The following TNRC6C variants were observed in gnomAD, a reference collection of about 807,000 sequenced individuals.
TNRC6C encodes trinucleotide repeat-containing gene 6C protein.
Under a neutral mutation model 153.7 loss-of-function variants are expected in TNRC6C, and 20 were observed. That is an observed-to-expected ratio of 0.13 (90% CI 0.09 to 0.19). The LOEUF (loss-of-function observed/expected upper bound fraction) is 0.19, where lower values mean the gene tolerates loss of function less well. TNRC6C is among the 10% of genes least tolerant of loss of function. TNRC6C has a pLI of 1.00. For synonymous variants in TNRC6C, 811 were observed against 841.4 expected (o/e 0.96, Z 0.63); for missense variants, 1,987 against 2,172.0 (o/e 0.91, Z 1.69).
At chr17:78,093,272 C>G (rs1457384910) in intron 15 of TNRC6C, 148 bp downstream of exon 17, 4 of 949,228 alleles carry the variant, frequency 4.2e-6, no homozygotes, top group Non-Finnish European at 6.1e-6. Flanking sequence ...CTTGGAAATC[C>G]ATTTGTCAGA....
exon 3 of TNRC6C, chr17:78,050,104 A>C (rs1483780825): frequency 6.2e-7 from 1 of 1,608,760 alleles, no homozygotes; most frequent in South Asian, 1.1e-5. Flanking sequence ...AAAGCCCCCA[A>C]ACCAGCATTC....
intron 5 of TNRC6C, 127 bp from the exon 8 acceptor site, chr17:78,070,958 T>C (rs2072982850): frequency 1.1e-6 from 1 of 897,208 alleles, no homozygotes; most frequent in Non-Finnish European, 1.7e-6. Context: ...TACAGCATTA[T>C]TCAATGTTAA....
At position 78,093,141 on chromosome 17, in the gene TNRC6C, C is replaced by A; in HGVS notation, c.4162+17C>A. On this transcript the variant is annotated intron_variant, in intron 15 of 19. Transcript: ENST00000301624. Reference sequence around the variant, plus strand: ...GGCCCCCAGGTAAGACCATGCAACACTTCTGTGCAACAGCAGCAGGTCAGA... The same window carrying A: ...GGCCCCCAGGTAAGACCATGCAACAATTCTGTGCAACAGCAGCAGGTCAGA... The A allele has an allele frequency of 6.2e-7, 1 of 1,610,360 alleles. No individual in the cohort carries two copies. The highest frequency in any genetic ancestry group is 8.5e-7 in the Non-Finnish European group (1 of 1,178,702).
chr17:78,008,714 T>A (rs564372088), intron 1 of TNRC6C: 1 of 152,326 alleles, frequency 6.6e-6, no homozygotes, highest in East Asian at 1.9e-4. Context: ...GTCAACTTTT[T>A]CTTATTTTTC....
chr17:78,092,829 A>C lies in TNRC6C; in HGVS notation c.3971-104A>C. On this transcript the variant is annotated intron_variant, in intron 14 of 19. Transcript: ENST00000301624. ...TTCATGTAACTGAATAGGGCAAGGC[A>C]TTGGACCTAGAACAGAAGGTACATA... 8 of 910,974 alleles carry C rather than the reference A, an allele frequency of 8.8e-6. 1 individual carries two copies. In the South Asian group the frequency reaches 1.4e-4, roughly 16 times the overall value. The allele number at this position is 910,974 out of a possible 1,614,324, so 56.4% of individuals were successfully genotyped here. A position where few individuals can be genotyped will look rare whatever the true frequency, so the allele number is the denominator to read the frequency against.
At chr17:78,023,924 A>G (rs922283168) in intron 1 of TNRC6C, among the ~76,000 whole-genome samples, 14 of 152,178 alleles carry the variant, frequency 9.2e-5, no homozygotes, top group African/African-American at 3.4e-4. Flanking sequence ...AGCCTGGCCG[A>G]CATGGTGAAA....
At chr17:77,965,781 A>G (rs2070892316) in intron 1 of TNRC6C, among the ~76,000 whole-genome samples, 1 of 152,262 alleles carries the variant, frequency 6.6e-6, no homozygotes, top group African/African-American at 2.4e-5. Flanking sequence ...ATATAGCTGT[A>G]TACTGGATCT....
At chr17:77,992,191 A>C (rs1360465811) in intron 1 of TNRC6C, among the ~76,000 whole-genome samples, 1 of 152,148 alleles carries the variant, frequency 6.6e-6, no homozygotes, top group African/African-American at 2.4e-5. Flanking sequence ...TGATTTTCTA[A>C]GTTTTATCTT....
At chr17:78,086,751 A>G in intron 12 of TNRC6C, 102 bp from the exon 15 acceptor site, 1 of 1,574,014 alleles carries the variant, frequency 6.4e-7, no homozygotes, top group South Asian at 1.2e-5. Flanking sequence ...CCTAGCCAGT[A>G]GTGGCCTCAG....
At chr17:78,039,518 T>C (rs554754311) in intron 2 of TNRC6C, among the ~76,000 whole-genome samples, 1 of 152,364 alleles carries the variant, frequency 6.6e-6, no homozygotes, top group South Asian at 2.1e-4. Context: ...ATGCTTTTAA[T>C]ATTCGATAAT....
intron 2 of TNRC6C, among the ~76,000 whole-genome samples, chr17:78,039,699 C>T (rs2072254926): frequency 6.6e-6 from 1 of 152,196 alleles, no homozygotes; most frequent in African/African-American, 2.4e-5. Flanking sequence ...CAGGCTTGCA[C>T]ACAAGGGCAT....
At chr17:78,051,498 AG>A (rs768140139) in intron 3 of TNRC6C, 50 bp downstream of exon 5, 72 of 1,269,880 alleles carry the variant, frequency 5.7e-5, no homozygotes, top group Middle Eastern at 2.2e-4. Flanking sequence ...AAAAAAAAAA[AG>A]CTTATTCTCA....
At chr17:78,032,834 A>G (rs957437535) in intron 2 of TNRC6C, among the ~76,000 whole-genome samples, 1 of 152,248 alleles carries the variant, frequency 6.6e-6, no homozygotes, top group Non-Finnish European at 1.5e-5. Flanking sequence ...GTCAGAACTA[A>G]TATTTTTAGA....
chr17:78,094,824 C>T (rs1435228283), intron 16 of TNRC6C, among the ~76,000 whole-genome samples: 1 of 152,238 alleles, frequency 6.6e-6, no homozygotes, highest in African/African-American at 2.4e-5. Context: ...ATTGCCCTTT[C>T]TGTTTAATGC....
At chr17:78,008,813 C>T (rs1305535025) in intron 1 of TNRC6C, 1 of 152,116 alleles carries the variant, frequency 6.6e-6, no homozygotes. Flanking sequence ...CTCGAAATTC[C>T]TCTGTCCTGA....
chr17:78,035,247 G>T (rs2143773604), intron 2 of TNRC6C, among the ~76,000 whole-genome samples: 1 of 152,312 alleles, frequency 6.6e-6, no homozygotes, highest in Admixed American at 6.5e-5. Context: ...GCATCAGCAA[G>T]CATGGAGGCA....
At chr17:78,046,756 C>T (rs1328209096) in intron 2 of TNRC6C, among the ~76,000 whole-genome samples, 1 of 152,122 alleles carries the variant, frequency 6.6e-6, no homozygotes, top group South Asian at 2.1e-4. Flanking sequence ...GGCATGTATA[C>T]GATATAAGGG....
intron 1 of TNRC6C, among the ~76,000 whole-genome samples, chr17:77,997,251 G>C (rs571655401): frequency 6.6e-6 from 1 of 152,162 alleles, no homozygotes; most frequent in Non-Finnish European, 1.5e-5. Context: ...GCTGAAGTCT[G>C]TATTAACTCT....
At chr17:77,986,224 T>A (rs536878873) in intron 1 of TNRC6C, among the ~76,000 whole-genome samples, 1 of 152,300 alleles carries the variant, frequency 6.6e-6, no homozygotes, top group African/African-American at 2.4e-5. Context: ...GAGACCATCC[T>A]GACCAACATG....
Sources: allele counts gnomAD v4.1 joint callset (sites outside exome capture counted in the v4.1 genomes callset), GRCh38; gene constraint gnomAD v4.1.1; transcripts MANE v1.5; gene names NCBI Gene and HGNC (gene_info 2026-07-23, HGNC 2026-07-21).